Variants in EPM2A observed in about 807,000 individuals in gnomAD.
The protein encoded by EPM2A is EPM2A glucan phosphatase, laforin, also known as laforin.
Under a neutral mutation model 26.5 loss-of-function variants are expected in EPM2A, and 21 were observed. The observed-to-expected ratio is 0.79, with a 90% CI of 0.56 to 1.14. The LOEUF (loss-of-function observed/expected upper bound fraction) is 1.14, where lower values mean the gene tolerates loss of function less well. Among genes scored for constraint, EPM2A ranks in the 50% most tolerant of loss-of-function variants. The pLI is 0.00. For synonymous variants in EPM2A, 217 were observed against 177.6 expected (o/e 1.22, Z -1.76); for missense variants, 458 against 440.8 (o/e 1.04, Z -0.35).
intron 4 of EPM2A, chr6:145,491,841 T>A: frequency 1.3e-5 from 7 of 521,344 alleles, no homozygotes; most frequent in Non-Finnish European, 2.4e-5. Context: ...TGAACTGAAT[T>A]AAATTACAAA....
At chr6:145,643,815 A>T (rs1777259319) in intron 2 of EPM2A, among the ~76,000 whole-genome samples, 1 of 150,796 alleles carries the variant, frequency 6.6e-6, no homozygotes, top group South Asian at 2.1e-4. Flanking sequence ...TCCATTAAAT[A>T]CTTTGAGCAA....
At chr6:145,447,969 A>T (rs1236265193) in intron 4 of EPM2A, among the ~76,000 whole-genome samples, 2 of 152,134 alleles carry the variant, frequency 1.3e-5, no homozygotes, top group African/African-American at 2.4e-5. Context: ...AGGACTTCTT[A>T]TACTTGATAA....
intron 2 of EPM2A, among the ~76,000 whole-genome samples, chr6:145,619,801 G>T (rs186080767): frequency 3.3e-5 from 5 of 152,330 alleles, no homozygotes; most frequent in African/African-American, 7.2e-5. Flanking sequence ...CAACATGAAG[G>T]AAGTATAAAT....
At chr6:145,535,797 G>GT (rs1385121131) in intron 2 of EPM2A, among the ~76,000 whole-genome samples, 1 of 152,180 alleles carries the variant, frequency 6.6e-6, no homozygotes, top group Non-Finnish European at 1.5e-5. Flanking sequence ...TTCAATTGGT[G>GT]TTTGCTTCTT....
chr6:145,620,554 T>A (rs569004089), downstream of EPM2A, among the ~76,000 whole-genome samples: 3 of 152,346 alleles, frequency 2.0e-5, no homozygotes, highest in South Asian at 6.2e-4. Context: ...TAAAAATATA[T>A]AATTCCACTT....
At chr6:145,522,736 G>A (rs1780219583) in intron 2 of EPM2A, among the ~76,000 whole-genome samples, 2 of 152,086 alleles carry the variant, frequency 1.3e-5, no homozygotes, top group Non-Finnish European at 2.9e-5. Context: ...AAACAGAATA[G>A]CTGCTTATTA....
At chr6:145,506,049 G>A (rs367598068) in intron 2 of EPM2A, among the ~76,000 whole-genome samples, 1 of 152,174 alleles carries the variant, frequency 6.6e-6, no homozygotes, top group African/African-American at 2.4e-5. Flanking sequence ...CTGAAATGCA[G>A]CCCCTCTAGG....
At chr6:145,603,044 C>T (rs1167971340) in intron 2 of EPM2A, among the ~76,000 whole-genome samples, 2 of 152,048 alleles carry the variant, frequency 1.3e-5, no homozygotes, top group Non-Finnish European at 2.9e-5. Context: ...ATGAAGTGGC[C>T]AGAGAGATCC....
intron 4 of EPM2A, among the ~76,000 whole-genome samples, chr6:145,426,943 C>T (rs1469896822): frequency 1.3e-5 from 2 of 152,118 alleles, no homozygotes; most frequent in Non-Finnish European, 2.9e-5. Flanking sequence ...TATTTCTCTT[C>T]TTTTTAGTTT....
rs879467610 is a variant in EPM2A at position 145,532,369 on chromosome 6, C to G, written c.341-29794G>C. 2.0e-5 allele frequency among the ~76,000 whole-genome samples: 3 copies of G among 152,266 alleles called. No individual in the cohort carries two copies. In the East Asian group the frequency reaches 5.8e-4, roughly 29 times the overall value. On this transcript the variant is annotated intron_variant, in intron 2 of 3. Coordinates refer to the EPM2A transcript ENST00000450221. Reference sequence around the variant, plus strand: ...GGTTATGGTTGAAAGCAGCCTAATCCTTACCTTGAGTAAATAACTTAGAGC... The same window carrying G: ...GGTTATGGTTGAAAGCAGCCTAATCGTTACCTTGAGTAAATAACTTAGAGC...
chr6:145,668,499 C>T (rs1014025388), intron 2 of EPM2A, among the ~76,000 whole-genome samples: 30 of 152,078 alleles, frequency 2.0e-4, no homozygotes, highest in African/African-American at 2.4e-4. Flanking sequence ...AAAATAGGCA[C>T]GATTTTTTTG....
At chr6:145,565,282 G>A (rs1023899236) in intron 2 of EPM2A, among the ~76,000 whole-genome samples, 3 of 152,104 alleles carry the variant, frequency 2.0e-5, no homozygotes, top group African/African-American at 7.2e-5. Flanking sequence ...CCCTCACATG[G>A]CACTAACAAC....
At chr6:145,522,326 T>C (rs1347859741) in intron 2 of EPM2A, among the ~76,000 whole-genome samples, 6 of 152,052 alleles carry the variant, frequency 3.9e-5, no homozygotes, top group Non-Finnish European at 8.8e-5. Context: ...CCATCTCTAC[T>C]TGAATGTGGA....
chr6:145,469,148 C>G (rs1307851975), intron 4 of EPM2A, among the ~76,000 whole-genome samples: 1 of 152,004 alleles, frequency 6.6e-6, no homozygotes, highest in Non-Finnish European at 1.5e-5. Context: ...GAAAGGCACC[C>G]TCTTTACAAG....
At chr6:145,587,410 T>C (rs927577549) in intron 2 of EPM2A, among the ~76,000 whole-genome samples, 1 of 152,182 alleles carries the variant, frequency 6.6e-6, no homozygotes, top group African/African-American at 2.4e-5. Flanking sequence ...GGAAGAGTGA[T>C]TGCCTGATGT....
intron 2 of EPM2A, among the ~76,000 whole-genome samples, chr6:145,652,493 TG>T (rs1267477256): frequency 6.6e-6 from 1 of 152,132 alleles, no homozygotes; most frequent in East Asian, 1.9e-4. Context: ...TTAAAGACTT[TG>T]TACTAAAATG....
At chr6:145,484,102 T>G (rs1204788639) in intron 4 of EPM2A, among the ~76,000 whole-genome samples, 2 of 152,128 alleles carry the variant, frequency 1.3e-5, no homozygotes, top group Non-Finnish European at 2.9e-5. Context: ...CAGAGTATCA[T>G]GTCCCTGATC....
chr6:145,626,560 A>T lies in EPM2A; in HGVS notation c.*856T>A. 1 of 985,892 alleles carries T rather than the reference A, an allele frequency of 1.0e-6. No individual in the cohort carries two copies. The highest frequency in any genetic ancestry group is 1.2e-6 in the Non-Finnish European group (1 of 829,976). 61.1% of individuals were successfully genotyped at this position (985,892 alleles called of 1,614,324 possible). On this transcript the variant is annotated 3_prime_UTR_variant, in exon 4 of 4. Transcript: ENST00000367519. ...CAGGCATATTGACTATACCCTGAGA[A>T]AGACAAAACTAAATGCACTACATGA...
chr6:145,437,669 T>C (rs1230426764), intron 4 of EPM2A, among the ~76,000 whole-genome samples: 1 of 152,160 alleles, frequency 6.6e-6, no homozygotes, highest in Non-Finnish European at 1.5e-5. Flanking sequence ...CCATAAAACA[T>C]TAAACCACCA....
Sources: gnomAD v4.1 joint callset for allele counts (sites outside exome capture counted in the v4.1 genomes callset) on GRCh38, gnomAD v4.1.1 for gene constraint, MANE v1.5 for transcripts, NCBI Gene and HGNC (gene_info 2026-07-23, HGNC 2026-07-21) for gene names.